The following PARP14 variants were observed in gnomAD, a reference collection of about 807,000 sequenced individuals.
PARP14 encodes the protein poly(ADP-ribose) polymerase family member 14.
A neutral mutation model predicts 154.2 loss-of-function variants in PARP14; 59 were observed. The observed-to-expected ratio is 0.38, with a 90% CI of 0.31 to 0.48. The LOEUF (loss-of-function observed/expected upper bound fraction) is 0.48. Among genes scored for constraint, PARP14 ranks in the 20% least tolerant of loss-of-function variants. The pLI is 0.98. For synonymous variants in PARP14, 720 were observed against 780.5 expected (o/e 0.92, Z 1.29); for missense variants, 1,734 against 2,131.6 (o/e 0.81, Z 3.67).
chr3:122,726,667 A>G lies in PARP14; in HGVS notation c.4942-1145A>G, dbSNP rs77251729. Among the ~76,000 whole-genome samples the G allele has an allele frequency of 9.7e-3, 1,470 of 152,274 alleles. 24 individuals carry two copies. Among genetic ancestry groups the G allele is most frequent in the African/African-American group, 0.034 (1,416 of 41,560 alleles). The stretch of plus-strand genomic sequence containing the variant: ...ATGAGAAATGTAGAATCAGGTTACT[A>G]TATTCAAAAATTACTTGACATAATT... On this transcript the variant is annotated intron_variant, in intron 15 of 16. Transcript: ENST00000474629.
chr3:122,700,158 A>G lies in PARP14; in HGVS notation c.1604A>G (p.Asn535Ser). ...QEKVYTMAQKNIQVSPEIFQF... is the reference protein window; with the variant it reads ...QEKVYTMAQKSIQVSPEIFQF... Reference sequence around the variant, plus strand: ...AAGGTGTACACCATGGCTCAGAAAAACATTCAGGTTTCTCCTGAGATTTTT... The same window carrying G: ...AAGGTGTACACCATGGCTCAGAAAAGCATTCAGGTTTCTCCTGAGATTTTT... The change falls in exon 6 of 17, where the codon AAC becomes AGC. Residue 535 changes from asparagine to serine, a missense_variant. Physicochemically the swap from Asn to Ser is conservative, Grantham distance 46. Around this residue, in one of 2 missense-constraint regions of PARP14, gnomAD observed 1,646 missense variants for 1,976.0 expected, o/e 0.83. Transcript: ENST00000474629. The G allele has an allele frequency of 6.2e-7, 1 of 1,613,418 alleles. No individual in the cohort carries two copies. Among genetic ancestry groups the G allele is most frequent in the Non-Finnish European group, 8.5e-7 (1 of 1,179,566 alleles).
chr3:122,728,038 C>T, intron 16 of PARP14, 52 bp downstream of exon 16: 1 of 1,513,706 alleles, frequency 6.6e-7, no homozygotes, highest in Non-Finnish European at 9.0e-7. Flanking sequence ...GCCATGAGAG[C>T]CCGAGTTGGC....
At chr3:122,687,576 A>G (rs1299828314) in intron 3 of PARP14, among the ~76,000 whole-genome samples, 1 of 152,324 alleles carries the variant, frequency 6.6e-6, no homozygotes, top group East Asian at 1.9e-4. Context: ...GCTTTTGAGC[A>G]TTGGTGCAGG....
intron 9 of PARP14, among the ~76,000 whole-genome samples, chr3:122,710,663 A>G (rs1345155416): frequency 6.6e-6 from 1 of 152,134 alleles, no homozygotes; most frequent in African/African-American, 2.4e-5. Context: ...TCATTTTCAC[A>G]ATATTGATAA....
chr3:122,682,085 A>AGAAG (rs917117448), intron 1 of PARP14, among the ~76,000 whole-genome samples: 2 of 152,216 alleles, frequency 1.3e-5, no homozygotes, highest in Non-Finnish European at 2.9e-5. Flanking sequence ...AATGGCGCAC[A>AGAAG]GAAGGAAGGA....
chr3:122,701,096 G>T lies in PARP14; in HGVS notation c.2542G>T (p.Asp848Tyr). 3 of 1,613,982 alleles carry T rather than the reference G, an allele frequency of 1.9e-6. No homozygotes were observed. The highest frequency in any genetic ancestry group is 2.5e-6 in the Non-Finnish European group (3 of 1,179,884). The change falls in exon 6 of 17, where the codon GAC becomes TAC. Residue 848 changes from aspartate to tyrosine, a missense_variant. Asp to Tyr is a radical substitution (Grantham distance 160). Around this residue, in one of 2 missense-constraint regions of PARP14, gnomAD observed 1,646 missense variants for 1,976.0 expected, o/e 0.83. Coordinates refer to ENST00000474629, the MANE Select transcript of PARP14 (RefSeq NM_017554.3). This position sits in a 1 kb window ranked among gnomAD's most constrained non-coding sequence, Gnocchi z 4.0. ...SKAAGPELQA[D>Y]CDQIVKREGR... ...AGCAGCTGGCCCTGAGCTCCAGGCC[G>T]ACTGTGACCAGATAGTGAAGAGAGA...
At chr3:122,713,780 G>A (rs1233749988) in intron 10 of PARP14, 92 bp from the exon 11 acceptor site, 6 of 983,972 alleles carry the variant, frequency 6.1e-6, no homozygotes, top group Non-Finnish European at 8.1e-6. Context: ...TTCCTCAGAT[G>A]ATGGAGAATG....
At position 122,696,329 on chromosome 3, in the gene PARP14, CTG is replaced by C. The variant is rs559729626; in HGVS notation, c.835+670_835+671del. 2.0e-5 allele frequency among the ~76,000 whole-genome samples: 3 copies of C among 152,282 alleles called. No homozygotes were observed. The South Asian group carries it at 6.2e-4, about 32-fold the overall frequency. On this transcript the variant is annotated intron_variant, in intron 5 of 16. Transcript: ENST00000474629. Reference sequence around the variant, plus strand: ...AGGCTTCTTGGGAAAAGAAGGAAAACTGTGCCTGGGATTAATCAGGGTGGGGC... The same window carrying C: ...AGGCTTCTTGGGAAAAGAAGGAAAACTGCCTGGGATTAATCAGGGTGGGGC...
intron 4 of PARP14, among the ~76,000 whole-genome samples, chr3:122,693,138 A>G (rs1159258068): frequency 6.6e-6 from 1 of 152,236 alleles, no homozygotes. Context: ...CAGGCAGCCT[A>G]TCTCTACACC....
chr3:122,716,290 T>C (rs1407725378), intron 12 of PARP14, among the ~76,000 whole-genome samples: 1 of 152,182 alleles, frequency 6.6e-6, no homozygotes, highest in African/African-American at 2.4e-5. Context: ...CCCTTCCTCT[T>C]ATATCCCCAA....
At chr3:122,705,994 T>C (rs1346610916) in intron 8 of PARP14, among the ~76,000 whole-genome samples, 1 of 152,240 alleles carries the variant, frequency 6.6e-6, no homozygotes, top group Admixed American at 6.5e-5. Flanking sequence ...CTTTCCCTCC[T>C]ATAAATCACA....
At chr3:122,710,780 A>C (rs1169338993) in intron 9 of PARP14, among the ~76,000 whole-genome samples, 1 of 149,540 alleles carries the variant, frequency 6.7e-6, no homozygotes, top group Non-Finnish European at 1.5e-5. Flanking sequence ...GGTTAAGTAT[A>C]TTCCTAGGTA....
chr3:122,700,269 G>A lies in PARP14; in HGVS notation c.1715G>A (p.Gly572Asp), dbSNP rs760076548. The A allele has an allele frequency of 3.5e-5, 57 of 1,612,808 alleles. No individual in the cohort carries two copies. In the African/African-American group the frequency reaches 7.3e-4, roughly 21 times the overall value. Residue 572 changes from glycine to aspartate, a missense_variant, in exon 6 of 17, where the codon GGT becomes GAT. By Grantham distance (94) the Gly-to-Asp change is moderately conservative. This residue lies in a region of PARP14 where 1,646 missense variants were observed against 1,976.0 expected (regional missense o/e 0.83). Coordinates refer to ENST00000474629, the MANE Select transcript of PARP14 (RefSeq NM_017554.3). ...QKILALYELE[G>D]TTVLLTSCSS... Reference sequence around the variant, plus strand: ...ATTCTTGCACTTTATGAGCTAGAGGGTACAACTGTTCTCTTAACCAGCTGT... The same window carrying A: ...ATTCTTGCACTTTATGAGCTAGAGGATACAACTGTTCTCTTAACCAGCTGT...
chr3:122,704,822 CA>C (rs1349931940), intron 8 of PARP14, 74 bp downstream of exon 8: 24 of 773,092 alleles, frequency 3.1e-5, no homozygotes, highest in Non-Finnish European at 4.8e-5. Flanking sequence ...TTTGGTCTAA[CA>C]GGATACTTTT....
chr3:122,703,017 A>C lies in PARP14; in HGVS notation c.3082-725A>C, dbSNP rs543126801. On this transcript the variant is annotated intron_variant, in intron 6 of 16. Coordinates refer to ENST00000474629, the MANE Select transcript of PARP14 (RefSeq NM_017554.3). ...TTAAAAAAAAAAAAAAAAACAAAAA[A>C]AAAAAACAAAAAACAAAAAACAGTC... Among the ~76,000 whole-genome samples, 265 of 99,606 alleles carry C rather than the reference A, an allele frequency of 2.7e-3. 2 individuals carry two copies. The highest frequency in any genetic ancestry group is 3.6e-3 in the Non-Finnish European group (148 of 41,600). 65.3% of individuals were successfully genotyped at this position (99,606 alleles called of 152,430 possible). A position where few individuals can be genotyped will look rare whatever the true frequency, so the allele number is the denominator to read the frequency against.
At chr3:122,704,004 T>A (rs760376277) in intron 7 of PARP14, 26 bp downstream of exon 7, 41 of 1,529,416 alleles carry the variant, frequency 2.7e-5, no homozygotes, top group Non-Finnish European at 3.6e-5. Flanking sequence ...GAATTCTCCA[T>A]GAAGTTGGGT....
Position 122,700,550 on chromosome 3 carries a change from G to A in PARP14, c.1996G>A (p.Glu666Lys), listed in dbSNP as rs1311766397. Reference protein sequence around the residue: ...ETYKLLFNFVEQNMKIERLVE... With the variant: ...ETYKLLFNFVKQNMKIERLVE... ...CTATAAATTGCTTTTTAACTTCGTTGAACAAAACATGAAAATAGAGAGACT... is the reference window on the plus strand; with the variant it reads ...CTATAAATTGCTTTTTAACTTCGTTAAACAAAACATGAAAATAGAGAGACT... Residue 666 changes from glutamate to lysine, a missense_variant, in exon 6 of 17, where the codon GAA becomes AAA. This residue lies in a region of PARP14 where 1,646 missense variants were observed against 1,976.0 expected (regional missense o/e 0.83). Coordinates refer to ENST00000474629, the MANE Select transcript of PARP14 (RefSeq NM_017554.3). 1 of 1,595,200 alleles carries A rather than the reference G, an allele frequency of 6.3e-7. No individual in the cohort carries two copies. Among genetic ancestry groups the A allele is most frequent in the Non-Finnish European group, 8.5e-7 (1 of 1,169,858 alleles).
intron 5 of PARP14, among the ~76,000 whole-genome samples, chr3:122,697,970 C>T (rs1175196489): frequency 6.6e-6 from 1 of 152,168 alleles, no homozygotes; most frequent in Non-Finnish European, 1.5e-5. Flanking sequence ...CCCACCTAAG[C>T]CTCTGTGTTC....
At chr3:122,727,519 T>C (rs1933316922) in intron 15 of PARP14, among the ~76,000 whole-genome samples, 1 of 152,194 alleles carries the variant, frequency 6.6e-6, no homozygotes, top group Non-Finnish European at 1.5e-5. Context: ...AAAGCAGAAG[T>C]TGCAGAGGCT....
Sources: gnomAD v4.1 joint callset for allele counts (sites outside exome capture counted in the v4.1 genomes callset) on GRCh38, gnomAD v4.1.1 for gene constraint, gnomAD v4.1.1 regional missense constraint, Gnocchi (gnomAD v3.1) non-coding constraint, MANE v1.5 for transcripts, NCBI Gene and HGNC (gene_info 2026-07-23, HGNC 2026-07-21) for gene names.